TMCO6: variants seen among roughly 807,000 people sequenced by gnomAD.
The protein encoded by TMCO6 is transmembrane and coiled-coil domain-containing protein 6.
In TMCO6, 47 loss-of-function variants were observed where a neutral mutation model predicts 61.8. The observed-to-expected ratio is 0.76, with a 90% CI of 0.60 to 0.97. The LOEUF (loss-of-function observed/expected upper bound fraction) is 0.97, where lower values mean the gene tolerates loss of function less well. Among genes scored for constraint, TMCO6 ranks in the 50% least tolerant of loss-of-function variants. TMCO6 has a pLI of 0.00. For missense variants in TMCO6, 557 were observed against 601.6 expected, an observed-to-expected ratio of 0.93 and a Z score of 0.78; for synonymous variants, 261 against 254.2, an observed-to-expected ratio of 1.03 and a Z score of -0.25.
the TMCO6 span, among the ~76,000 whole-genome samples, chr5:140,617,510 C>A: frequency 6.6e-6 from 1 of 152,030 alleles, no homozygotes; most frequent in African/African-American, 2.4e-5. Context: ...GAGATCGCAC[C>A]CTGTACTCCA....
the TMCO6 span, chr5:140,632,807 G>T: frequency 6.2e-7 from 1 of 1,613,866 alleles, no homozygotes; most frequent in South Asian, 1.1e-5. This position sits in a 1 kb window ranked among gnomAD's most constrained non-coding sequence, Gnocchi z 6.2. Flanking sequence ...CGCCGGCATG[G>T]ATCTCCACCT....
At chr5:140,627,193 G>A in the TMCO6 span, among the ~76,000 whole-genome samples, 2 of 140,618 alleles carry the variant, frequency 1.4e-5, no homozygotes, top group East Asian at 2.0e-4. Flanking sequence ...ACAATGTTAC[G>A]TCTCAGCAAC....
At chr5:140,628,183 TA>T in the TMCO6 span, among the ~76,000 whole-genome samples, 84,355 of 150,960 alleles carry the variant, frequency 0.56, 23,980 homozygotes, top group African/African-American at 0.65. Flanking sequence ...TATATATATA[TA>T]TTTTTTCCCA....
the TMCO6 span, among the ~76,000 whole-genome samples, chr5:140,629,664 T>G: frequency 6.6e-6 from 1 of 152,084 alleles, no homozygotes; most frequent in Admixed American, 6.5e-5. Flanking sequence ...CTGGGTGTGG[T>G]GGCTCATGCC....
intron 7 of TMCO6, 130 bp downstream of exon 7, chr5:140,643,171 G>A: frequency 7.5e-7 from 1 of 1,336,852 alleles, no homozygotes; most frequent in Non-Finnish European, 1.0e-6. Flanking sequence ...TCTTTTTGGA[G>A]CCCAGGAGAC....
At chr5:140,629,933 CAA>C in the TMCO6 span, among the ~76,000 whole-genome samples, 1,774 of 107,350 alleles carry the variant, frequency 0.017, 40 homozygotes, top group African/African-American at 0.049. Context: ...AACTCTGCCT[CAA>C]AAAAAAAAAA....
Position 140,639,774 on chromosome 5 carries a change from A to C in TMCO6, c.121A>C (p.Ser41Arg). 2 of 1,606,902 alleles carry C rather than the reference A, an allele frequency of 1.2e-6. No homozygotes were observed. Among genetic ancestry groups the C allele is most frequent in the African/African-American group, 1.3e-5 (1 of 75,018 alleles). Reference sequence around the variant, plus strand: ...GGCGCGGAGGGAGCAGCAGCTGGTCAGCAAGAGGCTGCTGAGAAACGACGC... The same window carrying C: ...GGCGCGGAGGGAGCAGCAGCTGGTCCGCAAGAGGCTGCTGAGAAACGACGC... ...RKARREQQLV[S>R]KRLLRNDAPE... Residue 41 changes from serine to arginine, a missense_variant, in exon 2 of 12, where the codon AGC (serine) becomes CGC (arginine). Coordinates refer to ENST00000394671, the MANE Select transcript of TMCO6 (RefSeq NM_018502.5).
chr5:140,600,559 G>A, the TMCO6 span, among the ~76,000 whole-genome samples: 3 of 150,890 alleles, frequency 2.0e-5, no homozygotes, highest in Non-Finnish European at 4.4e-5. Context: ...TTCGCCTCCC[G>A]AGTTCAAGTG....
chr5:140,642,484 T>C (rs1470562014), intron 5 of TMCO6, 65 bp downstream of exon 5: 1 of 1,602,568 alleles, frequency 6.2e-7, no homozygotes, highest in African/African-American at 1.3e-5. Flanking sequence ...CCATCTACTT[T>C]GGTTAGGTAG....
At chr5:140,597,082 A>G in the TMCO6 span, among the ~76,000 whole-genome samples, 2 of 152,320 alleles carry the variant, frequency 1.3e-5, no homozygotes, top group Middle Eastern at 3.4e-3. Context: ...ATTCTTTATT[A>G]TATCACAGGC....
In TMCO6 at chr5:140,644,169, C is replaced by T. The variant is rs1757236216; in HGVS notation, c.1175C>T (p.Pro392Leu). ...DLIEPLLQLL[P>L]VSNVVSVMVL... The stretch of plus-strand genomic sequence containing the variant: ...ATTGAGCCTCTCTTACAGCTGTTGC[C>T]AGTATCTAACGTGGTGAGCGTAATG... The change falls in exon 10 of 12, where the codon CCA (proline) becomes CTA (leucine). Residue 392 changes from proline to leucine, a missense_variant. Pro to Leu is a moderately conservative substitution (Grantham distance 98). Coordinates refer to ENST00000394671, the MANE Select transcript of TMCO6 (RefSeq NM_018502.5). 1 of 1,614,170 alleles carries T rather than the reference C, an allele frequency of 6.2e-7. No homozygotes were observed. Among genetic ancestry groups the T allele is most frequent in the Non-Finnish European group, 8.5e-7 (1 of 1,180,034 alleles).
chr5:140,644,789 A>G, intron 11 of TMCO6, 49 bp downstream of exon 11: 1 of 1,600,730 alleles, frequency 6.2e-7, no homozygotes, highest in South Asian at 1.1e-5. Context: ...CTGAAGCCAC[A>G]CAGTGGCTCC....
At chr5:140,622,868 T>C in the TMCO6 span, among the ~76,000 whole-genome samples, 1 of 152,084 alleles carries the variant, frequency 6.6e-6, no homozygotes, top group Non-Finnish European at 1.5e-5. Flanking sequence ...TGATTTTACT[T>C]TCTTTTTATG....
the TMCO6 span, among the ~76,000 whole-genome samples, chr5:140,617,092 C>T: frequency 9.0e-3 from 1,363 of 152,012 alleles, 14 homozygotes; most frequent in African/African-American, 0.031. Context: ...AACATTTCTC[C>T]AAAGAAGATA....
the TMCO6 span, among the ~76,000 whole-genome samples, chr5:140,620,986 C>G: frequency 6.6e-6 from 1 of 151,914 alleles, no homozygotes; most frequent in Non-Finnish European, 1.5e-5. Context: ...ACACTCCAAC[C>G]TGGGGGACAG....
chr5:140,639,401 C>G (rs1180744416), upstream of TMCO6: 3 of 969,194 alleles, frequency 3.1e-6, no homozygotes, highest in South Asian at 3.2e-5. Flanking sequence ...CCAGCACCCA[C>G]CCCGCTCCTC....
the TMCO6 span, chr5:140,632,954 C>T: frequency 6.2e-7 from 1 of 1,614,126 alleles, no homozygotes; most frequent in Admixed American, 1.7e-5. The surrounding 1 kb of genome is among the most constrained non-coding windows in gnomAD (Gnocchi z 6.2). Context: ...GCGGCAGCAG[C>T]AGCAGCAACA....
At chr5:140,623,089 A>G in the TMCO6 span, among the ~76,000 whole-genome samples, 12 of 152,204 alleles carry the variant, frequency 7.9e-5, no homozygotes, top group African/African-American at 2.7e-4. Flanking sequence ...AAAAGAAATT[A>G]AGGAGTGTGT....
chr5:140,638,984 C>T (rs1756853608), upstream of TMCO6: 1 of 156,224 alleles, frequency 6.4e-6, no homozygotes. Flanking sequence ...GGGCCATGGT[C>T]ACTCATATTT....
Sources: allele counts gnomAD v4.1 joint callset (sites outside exome capture counted in the v4.1 genomes callset), GRCh38; gene constraint gnomAD v4.1.1; non-coding constraint Gnocchi (gnomAD v3.1); transcripts MANE v1.5; gene names NCBI Gene and HGNC (gene_info 2026-07-23, HGNC 2026-07-21).